PRDM15: variants seen among roughly 807,000 people sequenced by gnomAD.
PRDM15 encodes PR domain zinc finger protein 15.
A neutral mutation model predicts 128.6 loss-of-function variants in PRDM15; 64 were observed. That is an observed-to-expected ratio of 0.50 (90% CI 0.41 to 0.61). The LOEUF is 0.61. PRDM15 is among the 20% of genes least tolerant of loss of function. PRDM15 has a pLI of 0.00. For missense variants in PRDM15, 1,242 were observed against 1,569.1 expected (o/e 0.79, Z 3.52); for synonymous variants, 615 against 621.8 (o/e 0.99, Z 0.16).
intron 1 of PRDM15, among the ~76,000 whole-genome samples, chr21:41,868,694 C>CTTTTTTTTTTTTT (rs55653735): frequency 2.4e-5 from 3 of 125,200 alleles, no homozygotes; most frequent in Non-Finnish European, 3.2e-5. Context: ...TTTTCTTTTT[C>CTTTTTTTTTTTTT]TTTTTTTTTT....
At chr21:41,878,089 T>C (rs552816225) in intron 1 of PRDM15, among the ~76,000 whole-genome samples, 3 of 152,380 alleles carry the variant, frequency 2.0e-5, no homozygotes, top group Admixed American at 1.3e-4. Flanking sequence ...CATCATTGCA[T>C]TCTCCAAGGA....
chr21:41,830,987 C>T (rs901126929), intron 11 of PRDM15, among the ~76,000 whole-genome samples: 2 of 152,124 alleles, frequency 1.3e-5, no homozygotes, highest in South Asian at 2.1e-4. Flanking sequence ...CAGTTGACGG[C>T]GACCCCGGGG....
In PRDM15 at chr21:41,862,055, G is replaced by T. The variant is rs1283745343; in HGVS notation, c.-9-1683C>A. On this transcript the variant is annotated intron_variant, in intron 1 of 23. Transcript: ENST00000398548. The surrounding 1 kb of genome is among the most constrained non-coding windows in gnomAD (Gnocchi z 4.1). ...AAATAGGGACCAGTCTGGGATGGGG[G>T]CTCAGCTGGGCAGTGAGCAGGAGAT... 2 of 1,351,602 alleles carry T rather than the reference G, an allele frequency of 1.5e-6. No individual in the cohort carries two copies. Among genetic ancestry groups the T allele is most frequent in the East Asian group, 2.3e-5 (1 of 42,954 alleles). 83.7% of individuals were successfully genotyped at this position (1,351,602 alleles called of 1,614,324 possible).
At chr21:41,853,974 T>C (rs2063503027) in intron 5 of PRDM15, among the ~76,000 whole-genome samples, 2 of 152,136 alleles carry the variant, frequency 1.3e-5, no homozygotes, top group Non-Finnish European at 2.9e-5. Context: ...CCCAGCCTCA[T>C]AGGATTAGGA....
intron 1 of PRDM15, among the ~76,000 whole-genome samples, chr21:41,865,790 G>A (rs958314434): frequency 3.3e-5 from 5 of 152,140 alleles, no homozygotes; most frequent in African/African-American, 1.2e-4. Flanking sequence ...TGTCACCCAA[G>A]CTGGAGTATA....
At chr21:41,855,825 C>T (rs1601407517) in intron 4 of PRDM15, among the ~76,000 whole-genome samples, 1 of 152,354 alleles carries the variant, frequency 6.6e-6, no homozygotes, top group Admixed American at 6.5e-5. Flanking sequence ...GGCAGGTAGC[C>T]AACGGCCTTT....
intron 2 of PRDM15, 79 bp downstream of exon 2, chr21:41,860,248 G>C (rs2063769164): frequency 3.6e-6 from 4 of 1,111,340 alleles, no homozygotes; most frequent in Non-Finnish European, 5.4e-6. Context: ...GCTTTGCCCA[G>C]ACAGCAAGCG....
At chr21:41,823,837 C>T (rs185376441) in intron 13 of PRDM15, among the ~76,000 whole-genome samples, 2 of 152,194 alleles carry the variant, frequency 1.3e-5, no homozygotes, top group Admixed American at 1.3e-4. Flanking sequence ...CTAGTTACCC[C>T]CTTGGCTTTT....
At position 41,821,977 on chromosome 21, in the gene PRDM15, A is replaced by G; in HGVS notation, c.1822T>C (p.Ser608Pro). 2 of 1,614,198 alleles carry G rather than the reference A, an allele frequency of 1.2e-6. No individual in the cohort carries two copies. The highest frequency in any genetic ancestry group is 1.7e-6 in the Non-Finnish European group (2 of 1,180,054). Residue 608 changes from serine to proline, a missense_variant, in exon 15 of 24, where the codon TCG becomes CCG. Coordinates refer to ENST00000398548, the MANE Select transcript of PRDM15 (RefSeq NM_001040424.3). This position sits in a 1 kb window ranked among gnomAD's most constrained non-coding sequence, Gnocchi z 5.4. The stretch of plus-strand genomic sequence containing the variant: ...TCAGAATTGTCATCGTTTTCTTCCG[A>G]GGAGATCCCGATCTTGCCGATAAAC... Reference protein sequence around the residue: ...EEFIGKIGISSEENDDNSDES... With the variant: ...EEFIGKIGISPEENDDNSDES...
intron 21 of PRDM15, among the ~76,000 whole-genome samples, chr21:41,806,135 CCAT>C (rs2061586259): frequency 1.9e-5 from 1 of 52,848 alleles, no homozygotes; most frequent in African/African-American, 8.3e-5. Context: ...ATCACCACCA[CCAT>C]CACCACCACC....
intron 23 of PRDM15, among the ~76,000 whole-genome samples, chr21:41,802,232 A>G (rs1022079062): frequency 1.3e-5 from 2 of 152,230 alleles, no homozygotes; most frequent in African/African-American, 4.8e-5. Flanking sequence ...CAGACTGATC[A>G]AACACTCAGA....
chr21:41,824,564 T>C (rs1019553731), intron 13 of PRDM15, among the ~76,000 whole-genome samples: 4 of 152,062 alleles, frequency 2.6e-5, no homozygotes, highest in Non-Finnish European at 5.9e-5. Flanking sequence ...CTCAACAGCA[T>C]GGAAGGCACT....
At chr21:41,842,006 A>G (rs909810435) in intron 6 of PRDM15, among the ~76,000 whole-genome samples, 5 of 152,252 alleles carry the variant, frequency 3.3e-5, no homozygotes, top group African/African-American at 7.2e-5. Flanking sequence ...ATGAGAAAAT[A>G]AAACAGCTGG....
chr21:41,804,209 C>T (rs2061495269), intron 22 of PRDM15, among the ~76,000 whole-genome samples: 2 of 152,190 alleles, frequency 1.3e-5, no homozygotes, highest in Non-Finnish European at 2.9e-5. Context: ...AGTGATCTGC[C>T]CGCCTTGGCC....
In PRDM15 at chr21:41,810,166, G is replaced by A. The variant is rs1264745600; in HGVS notation, c.2640C>T (p.Arg880=). 1.2e-5 allele frequency: 19 copies of A among 1,608,642 alleles called. No homozygotes were observed. The highest frequency in any genetic ancestry group is 1.5e-5 in the Non-Finnish European group (18 of 1,178,454). Residue 880 remains arginine (R), a synonymous_variant, in exon 21 of 24, where the codon CGC becomes CGT. Transcript: ENST00000398548. The surrounding 1 kb of genome is among the most constrained non-coding windows in gnomAD (Gnocchi z 6.4). The part of the protein sequence containing the change: ...TRASMSRHMR[R]KHPEVLAVRI... ...GCCACCAGCTCACCTCGGGGTGCTT[G>A]CGCCGCATGTGTCGGCTCATGGAGG...
intron 3 of PRDM15, among the ~76,000 whole-genome samples, chr21:41,858,430 C>T (rs1221021285): frequency 2.0e-5 from 3 of 151,874 alleles, no homozygotes; most frequent in East Asian, 1.9e-4. Context: ...AGAGCACAGG[C>T]CTCTCCGACA....
At chr21:41,852,037 G>A (rs1214956188) in intron 5 of PRDM15, among the ~76,000 whole-genome samples, 1 of 152,166 alleles carries the variant, frequency 6.6e-6, no homozygotes, top group East Asian at 1.9e-4. Flanking sequence ...ATTACCCTAG[G>A]ATCTCCGAAA....
chr21:41,843,950 T>TTA (rs1555883670), intron 6 of PRDM15, among the ~76,000 whole-genome samples: 3 of 123,258 alleles, frequency 2.4e-5, no homozygotes, highest in East Asian at 2.3e-4. Context: ...CCTTGTATTG[T>TTA]AAAAAAAAAA....
intron 6 of PRDM15, among the ~76,000 whole-genome samples, chr21:41,842,475 A>G (rs1186515919): frequency 6.6e-6 from 1 of 152,176 alleles, no homozygotes; most frequent in Non-Finnish European, 1.5e-5. Flanking sequence ...CTGCACCAAT[A>G]TATGTTTATG....
Sources: allele counts gnomAD v4.1 joint callset (sites outside exome capture counted in the v4.1 genomes callset), GRCh38; gene constraint gnomAD v4.1.1; non-coding constraint Gnocchi (gnomAD v3.1); transcripts MANE v1.5; gene names NCBI Gene and HGNC (gene_info 2026-07-23, HGNC 2026-07-21).